Variants in NDUFA13 observed in about 807,000 individuals in gnomAD.
NDUFA13 encodes the protein NADH dehydrogenase [ubiquinone] 1 alpha subcomplex subunit 13.
NDUFA13 carries 16 observed loss-of-function variants against 17.0 expected under a neutral mutation model. The ratio of observed to expected loss-of-function variants is 0.94; its 90% confidence interval spans 0.64 to 1.43. The LOEUF is 1.43. Ranked by LOEUF, NDUFA13 falls within the 40% of genes most tolerant of loss-of-function variation. The pLI is 0.00. For missense variants in NDUFA13, 228 were observed against 206.7 expected, an observed-to-expected ratio of 1.10 and a Z score of -0.63; for synonymous variants, 87 against 78.4, an observed-to-expected ratio of 1.11 and a Z score of -0.58.
chr19:19,526,777 C>T (rs917842761), intron 2 of NDUFA13: 5 of 286,908 alleles, frequency 1.7e-5, no homozygotes, highest in Admixed American at 4.9e-5. Flanking sequence ...TTCCCCACCC[C>T]TCCCCCAACC....
chr19:19,523,744 A>G (rs997565727), intron 1 of NDUFA13, among the ~76,000 whole-genome samples: 28 of 152,210 alleles, frequency 1.8e-4, no homozygotes, highest in Admixed American at 1.6e-3. Context: ...CCTGGCCAAC[A>G]TGGTGAAACC....
At chr19:19,521,465 G>A (rs959657363) in intron 1 of NDUFA13, among the ~76,000 whole-genome samples, 2 of 152,238 alleles carry the variant, frequency 1.3e-5, no homozygotes, top group Non-Finnish European at 2.9e-5. Context: ...CTGTCCTCCC[G>A]CCTCAGCCTC....
At chr19:19,527,423 TC>T (rs2061107094) in intron 3 of NDUFA13, 71 bp downstream of exon 3, 2 of 1,546,640 alleles carry the variant, frequency 1.3e-6, no homozygotes, top group Non-Finnish European at 1.8e-6. Flanking sequence ...CTGACCTGCA[TC>T]CCCGAAGGTG....
chr19:19,525,139 C>G (rs920332346), intron 1 of NDUFA13, among the ~76,000 whole-genome samples: 2 of 152,216 alleles, frequency 1.3e-5, no homozygotes, highest in African/African-American at 2.4e-5. Flanking sequence ...CCCTGAGCAC[C>G]CTGGGCCTCT....
intron 2 of NDUFA13, 88 bp from the exon 3 acceptor site, chr19:19,527,191 CAG>C: frequency 4.2e-6 from 6 of 1,423,798 alleles, no homozygotes; most frequent in East Asian, 2.3e-5. Context: ...CCTCTTCCCC[CAG>C]CAGCACCCTG....
chr19:19,527,669 C>T (rs1025047934), intron 3 of NDUFA13, 32 bp from the exon 4 acceptor site: 1 of 1,528,148 alleles, frequency 6.5e-7, no homozygotes, highest in Non-Finnish European at 8.9e-7. Context: ...GGCACTGAGG[C>T]CCCACCCCCA....
At chr19:19,524,080 C>CTCCA (rs1228049234) in intron 1 of NDUFA13, among the ~76,000 whole-genome samples, 1 of 146,248 alleles carries the variant, frequency 6.8e-6, no homozygotes, top group Non-Finnish European at 1.5e-5. Context: ...CACCACTGCA[C>CTCCA]TCCAGCCTGG....
rs749657199 is a variant in NDUFA13 at position 19,527,270 on chromosome 19, G to T, written c.174-11G>T. ...TGGTCTGACCTGAGTGTGGGTTTCG[G>T]GCTTTCACAGGCGCCTACAAATCGA... On this transcript the variant is annotated splice_polypyrimidine_tract_variant and intron_variant, in intron 2 of 4. Transcript: ENST00000507754. The T allele has an allele frequency of 7.4e-6, 12 of 1,613,840 alleles. No individual in the cohort carries two copies. Among genetic ancestry groups the T allele is most frequent in the Middle Eastern group, 1.6e-4 (1 of 6,084 alleles).
chr19:19,527,268 C>T lies in NDUFA13; in HGVS notation c.174-13C>T, dbSNP rs184233418. The stretch of plus-strand genomic sequence containing the variant: ...CCTGGTCTGACCTGAGTGTGGGTTT[C>T]GGGCTTTCACAGGCGCCTACAAATC... On this transcript the variant is annotated splice_polypyrimidine_tract_variant and intron_variant, in intron 2 of 4. Transcript: ENST00000507754. 1.1e-4 allele frequency: 178 copies of T among 1,612,516 alleles called. No individual in the cohort carries two copies. The highest frequency in any genetic ancestry group is 4.2e-4 in the South Asian group (38 of 91,064).
rs1028871797 is a variant in NDUFA13 at position 19,524,703 on chromosome 19, G to C, written c.95-1479G>C. On this transcript the variant is annotated intron_variant, in intron 1 of 4. Coordinates refer to ENST00000507754, the MANE Select transcript of NDUFA13 (RefSeq NM_015965.7). ...CGCCTGTAGTCCCAACTACTCCGGA[G>C]GCTGAGGTGGAAGAATCGCTTGAAC... 2.6e-5 allele frequency among the ~76,000 whole-genome samples: 4 copies of C among 152,126 alleles called. No homozygotes were observed. In the South Asian group the frequency reaches 8.3e-4, roughly 32 times the overall value.
At chr19:19,516,459 C>T (rs1314696873) in intron 1 of NDUFA13, 127 bp downstream of exon 1, 2 of 994,292 alleles carry the variant, frequency 2.0e-6, no homozygotes, top group Non-Finnish European at 3.1e-6. Context: ...GGGGATCCAT[C>T]ATAGCTTCTG....
chr19:19,522,585 TCTC>T (rs1430404034), intron 1 of NDUFA13, among the ~76,000 whole-genome samples: 3 of 147,538 alleles, frequency 2.0e-5, no homozygotes, highest in Non-Finnish European at 4.5e-5. Context: ...TTCACGCCAT[TCTC>T]CTGCCTCAGC....
chr19:19,520,437 C>T (rs764427935), intron 1 of NDUFA13, among the ~76,000 whole-genome samples: 3 of 152,160 alleles, frequency 2.0e-5, no homozygotes, highest in Non-Finnish European at 4.4e-5. Flanking sequence ...GGAGACCAAC[C>T]TGGCCAACAT....
chr19:19,526,152 T>G lies in NDUFA13; in HGVS notation c.95-30T>G, dbSNP rs766214712. 19 of 1,611,122 alleles carry G rather than the reference T, an allele frequency of 1.2e-5. No individual in the cohort carries two copies. The East Asian group carries it at 3.4e-4, about 28-fold the overall frequency. Reference sequence around the variant, plus strand: ...TGGAGGAGGGTGTCTGGGGGCGGGCTGGCCCGCTGAGCAGCGCCTCTCTTC... The same window carrying G: ...TGGAGGAGGGTGTCTGGGGGCGGGCGGGCCCGCTGAGCAGCGCCTCTCTTC... On this transcript the variant is annotated intron_variant, in intron 1 of 4. Transcript: ENST00000507754.
At chr19:19,516,926 T>G (rs2061052083) in intron 1 of NDUFA13, among the ~76,000 whole-genome samples, 1 of 152,086 alleles carries the variant, frequency 6.6e-6, no homozygotes, top group South Asian at 2.1e-4. Context: ...TAGCTGGGAT[T>G]ACAGGCATGT....
intron 2 of NDUFA13, 116 bp from the exon 3 acceptor site, chr19:19,527,165 T>TCCCC: frequency 4.2e-6 from 2 of 470,782 alleles, no homozygotes; most frequent in Admixed American, 7.2e-5. Flanking sequence ...CCTGCCTGCC[T>TCCCC]CCCCGCCCCC....
At chr19:19,524,392 A>G (rs1448375827) in intron 1 of NDUFA13, among the ~76,000 whole-genome samples, 1 of 152,226 alleles carries the variant, frequency 6.6e-6, no homozygotes, top group Non-Finnish European at 1.5e-5. Flanking sequence ...CTTCTTTGGA[A>G]TTTATCTTAC....
chr19:19,523,867 T>A (rs1240077774), intron 1 of NDUFA13, among the ~76,000 whole-genome samples: 1 of 152,128 alleles, frequency 6.6e-6, no homozygotes, highest in Admixed American at 6.5e-5. Flanking sequence ...GAGGCGGAGG[T>A]TGCAGTGGGC....
Position 19,527,725 on chromosome 19 carries a change from C to A in NDUFA13, c.270C>A (p.Asn90Lys), listed in dbSNP as rs1269449581. 4.5e-6 allele frequency: 7 copies of A among 1,552,458 alleles called. No individual in the cohort carries two copies. Among genetic ancestry groups the A allele is most frequent in the Non-Finnish European group, 6.1e-6 (7 of 1,147,370 alleles). The change falls in exon 4 of 5, where the codon AAC becomes AAA. Residue 90 changes from asparagine (N) to lysine (K), a missense_variant. Transcript: ENST00000507754. ...GGACCTTGCAGATGCTTCGGGAGAA[C>A]CTGGAGGAGGAGGCCATCATCATGA... ...DRRTLQMLRENLEEEAIIMKD... is the reference protein window; with the variant it reads ...DRRTLQMLREKLEEEAIIMKD...
Sources: gnomAD v4.1 joint callset for allele counts (sites outside exome capture counted in the v4.1 genomes callset) on GRCh38, gnomAD v4.1.1 for gene constraint, MANE v1.5 for transcripts, NCBI Gene and HGNC (gene_info 2026-07-23, HGNC 2026-07-21) for gene names.